The following MGAT5B variants were observed in gnomAD, a reference collection of about 807,000 sequenced individuals.
MGAT5B encodes alpha-1,6-mannosylglycoprotein 6-beta-N-acetylglucosaminyltransferase B.
In MGAT5B, 54 loss-of-function variants were observed where a neutral mutation model predicts 95.1. The ratio of observed to expected loss-of-function variants is 0.57; its 90% confidence interval spans 0.46 to 0.71. The LOEUF (loss-of-function observed/expected upper bound fraction) is 0.71. MGAT5B is among the 30% of genes least tolerant of loss of function. MGAT5B has a pLI of 0.00. For missense variants in MGAT5B, 935 were observed against 1,088.6 expected (o/e 0.86, Z 1.99); for synonymous variants, 464 against 451.0 (o/e 1.03, Z -0.36).
chr17:76,943,651 G>A (rs867226130), intron 15 of MGAT5B, among the ~76,000 whole-genome samples: 5 of 151,644 alleles, frequency 3.3e-5, no homozygotes, highest in Non-Finnish European at 7.4e-5. Flanking sequence ...TTGTTGCCCA[G>A]GCCAGTCTCG....
intron 1 of MGAT5B, 166 bp from the exon 2 acceptor site, chr17:76,872,685 G>T (rs563032028): frequency 4.9e-5 from 75 of 1,529,454 alleles, no homozygotes; most frequent in African/African-American, 4.1e-5. Context: ...ATCCTATAGT[G>T]GGGGGGCCCT....
Position 76,916,242 on chromosome 17 carries a change from C to T in MGAT5B, c.1026-8724C>T, listed in dbSNP as rs1968933150. Among the ~76,000 whole-genome samples, 2 of 152,192 alleles carry T rather than the reference C, an allele frequency of 1.3e-5. No homozygotes were observed. The highest frequency in any genetic ancestry group is 3.9e-4 in the East Asian group (2 of 5,194). ...CAGGAGAGACCCTTCCTTGCAAGGG[C>T]CTCGCCTCCCCTCATGCTCCACGCG... On this transcript the variant is annotated intron_variant, in intron 8 of 17. Transcript: ENST00000569840. The surrounding 1 kb of genome is among the most constrained non-coding windows in gnomAD (Gnocchi z 5.3).
At chr17:76,881,706 G>A (rs1967424237) in intron 2 of MGAT5B, among the ~76,000 whole-genome samples, 1 of 152,342 alleles carries the variant, frequency 6.6e-6, no homozygotes, top group African/African-American at 2.4e-5. Flanking sequence ...ACACTTCTAG[G>A]AACCCTGATC....
intron 15 of MGAT5B, chr17:76,944,145 A>G (rs918083885): frequency 2.0e-5 from 3 of 152,234 alleles, no homozygotes; most frequent in Non-Finnish European, 4.4e-5. Context: ...CACTCTGTCG[A>G]GACTGATTAG....
In MGAT5B at chr17:76,948,787, C is replaced by G. The variant is rs972294019; in HGVS notation, c.2328C>G (p.Pro776=). The G allele has an allele frequency of 6.2e-7, 1 of 1,609,338 alleles. No individual in the cohort carries two copies. The highest frequency in any genetic ancestry group is 1.3e-5 in the African/African-American group (1 of 75,018). ...GSNTKYRRLC[P]CRDFRKGQVA... The stretch of plus-strand genomic sequence containing the variant: ...ACACCAAGTACCGCCGGCTCTGCCC[C>G]TGCCGCGACTTCCGCAAGGGCCAGG... Residue 776 remains proline, a synonymous_variant, in exon 18 of 18, where the codon CCC becomes CCG. Coordinates refer to ENST00000569840, the MANE Select transcript of MGAT5B (RefSeq NM_001199172.2).
chr17:76,898,330 TTA>T (rs1491414890), intron 3 of MGAT5B, among the ~76,000 whole-genome samples: 47,518 of 135,732 alleles, frequency 0.35, 7,819 homozygotes, highest in East Asian at 0.51. Flanking sequence ...CATAATCTTT[TTA>T]TTTTTTTTTT....
At position 76,948,793 on chromosome 17, in the gene MGAT5B, C is replaced by G. The variant is rs776417904; in HGVS notation, c.2334C>G (p.Arg778=). ...AGTACCGCCGGCTCTGCCCCTGCCGCGACTTCCGCAAGGGCCAGGTGGCCT... is the reference window on the plus strand; with the variant it reads ...AGTACCGCCGGCTCTGCCCCTGCCGGGACTTCCGCAAGGGCCAGGTGGCCT... ...NTKYRRLCPC[R]DFRKGQVALC... is the part of the protein sequence containing the mutation. Residue 778 remains arginine (R), a synonymous_variant, in exon 18 of 18, where the codon CGC becomes CGG. Coordinates refer to ENST00000569840, the MANE Select transcript of MGAT5B (RefSeq NM_001199172.2). 5 of 1,608,632 alleles carry G rather than the reference C, an allele frequency of 3.1e-6. No homozygotes were observed. The African/African-American group carries it at 6.7e-5, about 21-fold the overall frequency.
intron 4 of MGAT5B, among the ~76,000 whole-genome samples, 174 bp downstream of exon 4, chr17:76,902,844 T>TC (rs11452541): frequency 0.23 from 34,638 of 151,950 alleles, 6,408 homozygotes; most frequent in African/African-American, 0.5. Flanking sequence ...GGGGGTTCAC[T>TC]CCCTCGACCC....
Position 76,880,628 on chromosome 17 carries a change from C to T in MGAT5B, c.182-1523C>T, listed in dbSNP as rs373658126. Among the ~76,000 whole-genome samples the T allele has an allele frequency of 2.6e-5, 4 of 152,312 alleles. 1 individual carries two copies. The highest frequency in any genetic ancestry group is 1.5e-5 in the Non-Finnish European group (1 of 68,018). On this transcript the variant is annotated intron_variant, in intron 2 of 17. Transcript: ENST00000569840. ...TGCAGACGGGGCCTGTTATTCTTGC[C>T]TTGAGACGGGGATGCTGAAGCTCAG...
chr17:76,922,024 C>T (rs903689303), intron 8 of MGAT5B, among the ~76,000 whole-genome samples: 8 of 152,158 alleles, frequency 5.3e-5, no homozygotes, highest in African/African-American at 1.9e-4. Context: ...ACCTTAGAAC[C>T]GCAGCGTGGT....
intron 12 of MGAT5B, among the ~76,000 whole-genome samples, chr17:76,935,738 T>C (rs1969630862): frequency 6.8e-6 from 1 of 146,578 alleles, no homozygotes; most frequent in Admixed American, 7.0e-5. Context: ...GTATCAAATA[T>C]ATGCTTTATA....
chr17:76,896,022 A>G (rs1016444754), intron 3 of MGAT5B, among the ~76,000 whole-genome samples: 1 of 152,060 alleles, frequency 6.6e-6, no homozygotes, highest in Non-Finnish European at 1.5e-5. Context: ...CCCCACGGTG[A>G]CAACACCAAG....
intron 3 of MGAT5B, among the ~76,000 whole-genome samples, chr17:76,900,120 A>G (rs1199191613): frequency 6.6e-6 from 1 of 152,148 alleles, no homozygotes; most frequent in African/African-American, 2.4e-5. Flanking sequence ...AGGCTCGGTG[A>G]CCTGCCCAGG....
At chr17:76,875,371 T>G (rs60228386) in intron 2 of MGAT5B, among the ~76,000 whole-genome samples, 20,525 of 152,070 alleles carry the variant, frequency 0.13, 1,640 homozygotes, top group East Asian at 0.36. Context: ...TATAAGGGGC[T>G]TTTTCCCTTT....
rs140321861 is a variant in MGAT5B at position 76,947,740 on chromosome 17, G to A, written c.1924-90G>A. ...AGTAAGCGCCCAGTAGTGGTGGCTC[G>A]TACTGGCACGGCAGGGCCACACCTT... is the stretch of plus-strand genomic sequence containing the variant. On this transcript the variant is annotated intron_variant, in intron 16 of 17. Coordinates refer to ENST00000569840, the MANE Select transcript of MGAT5B (RefSeq NM_001199172.2). 4.8e-4 allele frequency: 704 copies of A among 1,460,900 alleles called. 4 individuals carry two copies. The highest frequency in any genetic ancestry group is 2.8e-3 in the African/African-American group (196 of 70,206). The allele number at this position is 1,460,900 out of a possible 1,614,324, so 90.5% of individuals were successfully genotyped here. A position where few individuals can be genotyped will look rare whatever the true frequency, so the allele number is the denominator to read the frequency against.
intron 1 of MGAT5B, among the ~76,000 whole-genome samples, chr17:76,872,330 A>C (rs1967039514): frequency 6.6e-6 from 1 of 152,180 alleles, no homozygotes; most frequent in Non-Finnish European, 1.5e-5. Flanking sequence ...GGCCTGAGTG[A>C]TTGATGGGGT....
chr17:76,911,736 C>A (rs1273617851), intron 8 of MGAT5B, among the ~76,000 whole-genome samples: 1 of 152,210 alleles, frequency 6.6e-6, no homozygotes, highest in East Asian at 1.9e-4. Flanking sequence ...AAATGCAGGC[C>A]TTTCCTCACA....
rs1969533840 is a variant in MGAT5B at position 76,932,762 on chromosome 17, C to T, written c.1409C>T (p.Ala470Val). 1 of 1,613,576 alleles carries T rather than the reference C, an allele frequency of 6.2e-7. No individual in the cohort carries two copies. Among genetic ancestry groups the T allele is most frequent in the Non-Finnish European group, 8.5e-7 (1 of 1,179,804 alleles). ...ATGGCCGTGGTGTACGGCAAGGAGG[C>T]GAGCATCTGGAAGGTGAGCGCGGCC... The part of the protein sequence containing the change: ...SNMAVVYGKE[A>V]SIWKLQGKEK... Residue 470 changes from alanine (A) to valine (V), a missense_variant, in exon 11 of 18, where the codon GCG (alanine) becomes GTG (valine). Transcript: ENST00000569840.
chr17:76,891,403 G>A (rs910217907), intron 3 of MGAT5B, among the ~76,000 whole-genome samples: 4 of 151,054 alleles, frequency 2.6e-5, no homozygotes, highest in Admixed American at 6.6e-5. Flanking sequence ...TTCTGGAGAC[G>A]GGGTCTCCCT....
Sources: gnomAD v4.1 joint callset for allele counts (sites outside exome capture counted in the v4.1 genomes callset) on GRCh38, gnomAD v4.1.1 for gene constraint, Gnocchi (gnomAD v3.1) non-coding constraint, MANE v1.5 for transcripts, NCBI Gene and HGNC (gene_info 2026-07-23, HGNC 2026-07-21) for gene names.